Variants in PEX5L observed in about 807,000 individuals in gnomAD.
The protein encoded by PEX5L is PEX5-related protein.
A neutral mutation model predicts 84.0 loss-of-function variants in PEX5L; 30 were observed. That is an observed-to-expected ratio of 0.36 (90% CI 0.27 to 0.48). The LOEUF is 0.48. PEX5L is among the 20% of genes least tolerant of loss of function. The pLI is 0.99. For synonymous variants in PEX5L, 270 were observed against 283.1 expected (o/e 0.95, Z 0.46); for missense variants, 533 against 754.6 (o/e 0.71, Z 3.44).
At chr3:179,837,957 A>G (rs974677119) in intron 8 of PEX5L, among the ~76,000 whole-genome samples, 2 of 152,180 alleles carry the variant, frequency 1.3e-5, no homozygotes, top group African/African-American at 2.4e-5. Flanking sequence ...CCTGATGGCC[A>G]TAGAGTAGTC....
chr3:179,876,324 T>C (rs1415281022), intron 5 of PEX5L, among the ~76,000 whole-genome samples: 1 of 151,810 alleles, frequency 6.6e-6, no homozygotes, highest in Non-Finnish European at 1.5e-5. Context: ...TGAAACCCTG[T>C]TTCTACTAAA....
intron 2 of PEX5L, among the ~76,000 whole-genome samples, chr3:179,952,646 A>T (rs7620196): frequency 7.9e-5 from 12 of 152,224 alleles, no homozygotes; most frequent in African/African-American, 2.9e-4. Flanking sequence ...TGGATAGGAA[A>T]AATCAATATT....
At position 179,997,964 on chromosome 3, in the gene PEX5L, C is replaced by T. The variant is rs375165447; in HGVS notation, c.22-26299G>A. On this transcript the variant is annotated intron_variant, in intron 1 of 14. Coordinates refer to ENST00000467460, the MANE Select transcript of PEX5L (RefSeq NM_016559.3). ...ATTCAAAGAGACATTGATCACTTTT[C>T]GCTTCCAGAAGATATCACACTGGTC... Among the ~76,000 whole-genome samples the T allele has an allele frequency of 4.2e-3, 645 of 152,292 alleles. 9 individuals carry two copies. The highest frequency in any genetic ancestry group is 0.015 in the African/African-American group (614 of 41,562).
chr3:179,948,485 T>C (rs986778543), intron 2 of PEX5L, among the ~76,000 whole-genome samples: 5 of 152,210 alleles, frequency 3.3e-5, no homozygotes, highest in African/African-American at 1.2e-4. Flanking sequence ...CTGACCGAGT[T>C]GTCATCTGAC....
At chr3:179,910,406 A>C (rs1432287874) in intron 2 of PEX5L, among the ~76,000 whole-genome samples, 1 of 152,236 alleles carries the variant, frequency 6.6e-6, no homozygotes, top group Non-Finnish European at 1.5e-5. Flanking sequence ...TGAATGCTCC[A>C]AGGAAGCTAT....
At chr3:179,951,592 T>C (rs1779104232) in intron 2 of PEX5L, among the ~76,000 whole-genome samples, 1 of 152,244 alleles carries the variant, frequency 6.6e-6, no homozygotes, top group African/African-American at 2.4e-5. Flanking sequence ...ATATGAGGAC[T>C]AGGTCCTCTT....
intron 2 of PEX5L, among the ~76,000 whole-genome samples, chr3:179,910,180 T>C (rs943050399): frequency 2.6e-5 from 4 of 152,196 alleles, no homozygotes; most frequent in African/African-American, 7.2e-5. Flanking sequence ...TTTGGAAGCC[T>C]TGGCCTCCTA....
At chr3:179,924,894 C>T (rs778614314) in intron 2 of PEX5L, among the ~76,000 whole-genome samples, 12 of 152,134 alleles carry the variant, frequency 7.9e-5, no homozygotes, top group Non-Finnish European at 1.6e-4. Context: ...CTGCAAAGCA[C>T]TTAACTTGGC....
chr3:179,864,332 T>C (rs576481845), intron 7 of PEX5L, among the ~76,000 whole-genome samples: 10 of 152,234 alleles, frequency 6.6e-5, no homozygotes, highest in African/African-American at 2.4e-4. Context: ...TATATATAGA[T>C]GATGGAATGC....
At chr3:179,976,477 G>A (rs759756261) in intron 1 of PEX5L, among the ~76,000 whole-genome samples, 8 of 151,782 alleles carry the variant, frequency 5.3e-5, no homozygotes, top group Non-Finnish European at 8.8e-5. Flanking sequence ...TCGCTCTGTC[G>A]CCCAGGCTGG....
intron 2 of PEX5L, among the ~76,000 whole-genome samples, chr3:179,916,123 C>G (rs1294335755): frequency 1.3e-5 from 2 of 152,124 alleles, no homozygotes; most frequent in Non-Finnish European, 2.9e-5. Context: ...GTGCCATATA[C>G]TTCATACATA....
intron 11 of PEX5L, among the ~76,000 whole-genome samples, 172 bp downstream of exon 11, chr3:179,811,629 C>A (rs1287494204): frequency 6.6e-6 from 1 of 152,190 alleles, no homozygotes; most frequent in Non-Finnish European, 1.5e-5. Context: ...AACATGACTT[C>A]ATTCTAAGTT....
rs181657690 is a variant in PEX5L at position 179,845,986 on chromosome 3, A to G, written c.822+13076T>C. On this transcript the variant is annotated intron_variant, in intron 8 of 14. Transcript: ENST00000467460. Reference sequence around the variant, plus strand: ...GGAGTTTGAGACCAGCCTGGCCAACATGGTAAAATGCCGTTTCTACTAAAA... The same window carrying G: ...GGAGTTTGAGACCAGCCTGGCCAACGTGGTAAAATGCCGTTTCTACTAAAA... Among the ~76,000 whole-genome samples, 7 of 152,294 alleles carry G rather than the reference A, an allele frequency of 4.6e-5. No homozygotes were observed. The East Asian group carries it at 9.6e-4, about 21-fold the overall frequency.
At chr3:179,808,794 T>C (rs1184332067) in intron 12 of PEX5L, among the ~76,000 whole-genome samples, 6 of 152,032 alleles carry the variant, frequency 3.9e-5, no homozygotes, top group Admixed American at 6.5e-5. Context: ...ACAAAATTTC[T>C]AGGCCGGGCG....
rs568586727 is a variant in PEX5L at position 179,797,605 on chromosome 3, A to AATATATAT, written c.*4215_*4222dup. On this transcript the variant is annotated 3_prime_UTR_variant, in exon 15 of 15. Transcript: ENST00000467460. Reference sequence around the variant, plus strand: ...AACACTCTTTAAAAAAAAAAAAAAAAATATATATATATATATATATATATA... The same window carrying AATATATAT: ...AACACTCTTTAAAAAAAAAAAAAAAAATATATATATATATATATATATATATATATATA... The AATATATAT allele has an allele frequency of 6.7e-5, 6 of 89,158 alleles. No homozygotes were observed. The highest frequency in any genetic ancestry group is 6.5e-5 in the Non-Finnish European group (3 of 46,152). The allele number at this position is 89,158 out of a possible 1,614,324, so 5.5% of individuals were successfully genotyped here.
intron 14 of PEX5L, among the ~76,000 whole-genome samples, chr3:179,803,166 G>A (rs1321396286): frequency 6.6e-6 from 1 of 152,218 alleles, no homozygotes; most frequent in Non-Finnish European, 1.5e-5. Flanking sequence ...AGAAGCAGGT[G>A]TGAGAGTGTG....
At chr3:179,971,443 T>C (rs1369491209) in intron 2 of PEX5L, 151 bp downstream of exon 2, 1 of 1,129,838 alleles carries the variant, frequency 8.9e-7, no homozygotes, top group Non-Finnish European at 1.1e-6. Context: ...AGGCATCATA[T>C]GGAGCGGCTT....
At chr3:179,871,859 C>CT (rs1396604615) in intron 7 of PEX5L, among the ~76,000 whole-genome samples, 1 of 152,182 alleles carries the variant, frequency 6.6e-6, no homozygotes, top group East Asian at 1.9e-4. Context: ...CTCAGTAACT[C>CT]TGTTAAGTTT....
chr3:179,860,778 C>T (rs1745816166), intron 7 of PEX5L, among the ~76,000 whole-genome samples: 1 of 152,218 alleles, frequency 6.6e-6, no homozygotes, highest in Admixed American at 6.5e-5. Context: ...ATTATCAACT[C>T]CATTTTCAAG....
Sources: allele counts gnomAD v4.1 joint callset (sites outside exome capture counted in the v4.1 genomes callset), GRCh38; gene constraint gnomAD v4.1.1; transcripts MANE v1.5; gene names NCBI Gene and HGNC (gene_info 2026-07-23, HGNC 2026-07-21).